AOAH: variants seen among roughly 807,000 people sequenced by gnomAD.
The protein encoded by AOAH is acyloxyacyl hydrolase (neutrophil).
Under a neutral mutation model 92.2 loss-of-function variants are expected in AOAH, and 64 were observed. The observed-to-expected ratio is 0.69, with a 90% CI of 0.57 to 0.86. The LOEUF is 0.86. AOAH is among the 40% of genes least tolerant of loss of function. The pLI is 0.00. For missense variants in AOAH, 656 were observed against 694.6 expected, an observed-to-expected ratio of 0.94 and a Z score of 0.62; for synonymous variants, 263 against 254.5, an observed-to-expected ratio of 1.03 and a Z score of -0.32.
intron 11 of AOAH, among the ~76,000 whole-genome samples, chr7:36,602,500 C>G (rs1347335094): frequency 6.8e-6 from 1 of 147,798 alleles, no homozygotes. Context: ...TACATAAAAG[C>G]AAGAAAACAA....
chr7:36,603,396 G>A (rs1790744682), intron 11 of AOAH, among the ~76,000 whole-genome samples: 1 of 152,168 alleles, frequency 6.6e-6, no homozygotes, highest in Admixed American at 6.6e-5. Context: ...CTAATCAACA[G>A]ACAAGGGTTG....
intron 13 of AOAH, among the ~76,000 whole-genome samples, chr7:36,563,786 T>TA (rs1257619902): frequency 6.6e-6 from 1 of 152,206 alleles, no homozygotes; most frequent in African/African-American, 2.4e-5. Flanking sequence ...TACAATCCAT[T>TA]AAAAAAATCC....
chr7:36,618,173 G>T, intron 10 of AOAH, 124 bp downstream of exon 10: 2 of 719,036 alleles, frequency 2.8e-6, no homozygotes, highest in Middle Eastern at 2.5e-4. Context: ...ATGTAAGTTG[G>T]TCAGCATAGA....
chr7:36,679,491 T>C (rs996155199), intron 2 of AOAH, among the ~76,000 whole-genome samples: 2 of 151,256 alleles, frequency 1.3e-5, no homozygotes, highest in African/African-American at 4.8e-5. Context: ...CATTTCAATG[T>C]GCTTAGGACA....
intron 11 of AOAH, among the ~76,000 whole-genome samples, chr7:36,615,684 T>C (rs1791820198): frequency 6.6e-6 from 1 of 152,236 alleles, no homozygotes; most frequent in African/African-American, 2.4e-5. Context: ...AGCAGGTGTG[T>C]GCTCAGGTGA....
At chr7:36,655,085 AAGAC>A (rs1794797484) in intron 4 of AOAH, among the ~76,000 whole-genome samples, 1 of 152,308 alleles carries the variant, frequency 6.6e-6, no homozygotes, top group East Asian at 1.9e-4. Context: ...GGAGAGAACA[AAGAC>A]AGACAGGCAA....
At chr7:36,525,949 G>A (rs999047104) in intron 19 of AOAH, among the ~76,000 whole-genome samples, 1 of 152,184 alleles carries the variant, frequency 6.6e-6, no homozygotes, top group African/African-American at 2.4e-5. Context: ...AGAAAGAGGA[G>A]GGATATTTAC....
intron 2 of AOAH, among the ~76,000 whole-genome samples, chr7:36,680,025 G>A (rs1043785757): frequency 6.6e-6 from 1 of 152,160 alleles, no homozygotes; most frequent in Non-Finnish European, 1.5e-5. Context: ...GAGTAGGCAT[G>A]AAGTGCCTTC....
At chr7:36,526,428 T>G (rs140656687) in intron 19 of AOAH, among the ~76,000 whole-genome samples, 173 of 152,360 alleles carry the variant, frequency 1.1e-3, no homozygotes, top group Non-Finnish European at 1.8e-3. Flanking sequence ...ATCCTTTTTT[T>G]GTTTATCTCA....
At chr7:36,662,620 A>C (rs1030685795) in intron 3 of AOAH, among the ~76,000 whole-genome samples, 42 of 152,150 alleles carry the variant, frequency 2.8e-4, no homozygotes, top group African/African-American at 9.4e-4. Flanking sequence ...GGCTCTGGTT[A>C]ATCTTTGTTT....
intron 1 of AOAH, among the ~76,000 whole-genome samples, chr7:36,693,864 T>C (rs1010007709): frequency 6.6e-5 from 10 of 152,226 alleles, no homozygotes; most frequent in Non-Finnish European, 1.2e-4. Context: ...TTTTCATTGT[T>C]AAACACGTAA....
chr7:36,522,203 C>A, intron 19 of AOAH, 88 bp from the exon 20 acceptor site: 3 of 1,217,144 alleles, frequency 2.5e-6, no homozygotes, highest in South Asian at 2.5e-5. Flanking sequence ...ACTGCCCATG[C>A]CCTCCCGGGC....
chr7:36,558,624 C>T (rs1399679123), intron 13 of AOAH, among the ~76,000 whole-genome samples: 1 of 152,256 alleles, frequency 6.6e-6, no homozygotes, highest in Non-Finnish European at 1.5e-5. Context: ...GTGGTGGGCT[C>T]CACCCAGTTC....
rs1432840830 is a variant in AOAH, at chr7:36,522,060, C to T, written c.1578G>A (p.Val526=). ...TTACCTCGTTGGGGTGGAATCCATC[C>T]ACGGGCTCGATGAGCTGCCAGGGCT... The part of the protein sequence containing the change: ...GGQPWQLIEP[V]DGFHPNEVAL... The change falls in exon 20 of 21, where the codon GTG becomes GTA. Residue 526 remains valine, a synonymous_variant. Transcript: ENST00000617537. 4.3e-6 allele frequency: 7 copies of T among 1,614,092 alleles called. No homozygotes were observed. The highest frequency in any genetic ancestry group is 5.1e-6 in the Non-Finnish European group (6 of 1,180,042).
chr7:36,559,987 G>A (rs949770881), intron 13 of AOAH, among the ~76,000 whole-genome samples: 1 of 152,086 alleles, frequency 6.6e-6, no homozygotes, highest in Non-Finnish European at 1.5e-5. Flanking sequence ...TATTGAACAG[G>A]GAGTCCTTTC....
intron 4 of AOAH, among the ~76,000 whole-genome samples, chr7:36,658,615 T>G (rs1584049846): frequency 6.6e-6 from 1 of 152,218 alleles, no homozygotes; most frequent in East Asian, 1.9e-4. Context: ...GTCATTTCTC[T>G]TAACACTTTA....
chr7:36,682,166 AC>A (rs1796690023), intron 2 of AOAH, among the ~76,000 whole-genome samples: 1 of 152,252 alleles, frequency 6.6e-6, no homozygotes, highest in South Asian at 2.1e-4. Flanking sequence ...GTCATCTGGC[AC>A]CCACAAGGGA....
intron 3 of AOAH, among the ~76,000 whole-genome samples, chr7:36,671,569 A>C (rs1465285448): frequency 2.0e-5 from 3 of 151,910 alleles, no homozygotes; most frequent in Non-Finnish European, 4.4e-5. Context: ...ATGAATGTAC[A>C]TGTCTGTATG....
Position 36,715,165 on chromosome 7 carries a change from G to A in AOAH, c.127+8857C>T, listed in dbSNP as rs569937526. The stretch of plus-strand genomic sequence containing the variant: ...CAAAATCAATGTGCAAAAATCACAA[G>A]CATTCTTATACACCAATAACAGACA... On this transcript the variant is annotated intron_variant, in intron 1 of 20. Transcript: ENST00000617537. Among the ~76,000 whole-genome samples the A allele has an allele frequency of 3.3e-5, 5 of 152,168 alleles. No homozygotes were observed. The South Asian group carries it at 8.3e-4, about 25-fold the overall frequency.
Sources: allele counts gnomAD v4.1 joint callset (sites outside exome capture counted in the v4.1 genomes callset), GRCh38; gene constraint gnomAD v4.1.1; transcripts MANE v1.5; gene names NCBI Gene and HGNC (gene_info 2026-07-23, HGNC 2026-07-21).